HIBCH: variants seen among roughly 807,000 people sequenced by gnomAD.
HIBCH encodes 3-hydroxyisobutyryl-CoA hydrolase.
HIBCH carries 50 observed loss-of-function variants against 58.2 expected under a neutral mutation model. That is an observed-to-expected ratio of 0.86 (90% CI 0.68 to 1.09). The LOEUF is 1.09. HIBCH is among the 50% of genes least tolerant of loss of function. The pLI is 0.00. For missense variants in HIBCH, 450 were observed against 449.7 expected (o/e 1.00, Z -0.01); for synonymous variants, 151 against 146.9 (o/e 1.03, Z -0.20).
intron 11 of HIBCH, among the ~76,000 whole-genome samples, chr2:190,232,887 G>A (rs191465847): frequency 8.6e-4 from 131 of 152,224 alleles, no homozygotes; most frequent in Non-Finnish European, 1.6e-3. Flanking sequence ...GAACCCGGGA[G>A]GCGGAGCTTG....
At chr2:190,251,898 G>A (rs1686783310) in intron 8 of HIBCH, among the ~76,000 whole-genome samples, 1 of 151,468 alleles carries the variant, frequency 6.6e-6, no homozygotes, top group Admixed American at 6.6e-5. Context: ...TTTTTTAAGA[G>A]ACTCTAATTG....
intron 1 of HIBCH, among the ~76,000 whole-genome samples, chr2:190,319,514 G>C (rs1688792869): frequency 6.6e-6 from 1 of 151,922 alleles, no homozygotes; most frequent in African/African-American, 2.4e-5. Context: ...CCAGAGTGCT[G>C]CTGCAAAGAA....
intron 7 of HIBCH, chr2:190,260,492 G>A (rs1687059128): frequency 6.6e-6 from 1 of 152,092 alleles, no homozygotes; most frequent in South Asian, 2.1e-4. Flanking sequence ...AGGCTTTTTT[G>A]TTGAAATCGA....
At chr2:190,259,822 T>C (rs1322858651) in intron 7 of HIBCH, among the ~76,000 whole-genome samples, 2 of 152,212 alleles carry the variant, frequency 1.3e-5, no homozygotes, top group Non-Finnish European at 2.9e-5. Context: ...TTTTCCTGTT[T>C]GGATGCCTTT....
rs1686862249 is a variant in HIBCH at position 190,254,276 on chromosome 2, T to C, written c.518-1969A>G. On this transcript the variant is annotated intron_variant, in intron 7 of 13. Coordinates refer to ENST00000359678, the MANE Select transcript of HIBCH (RefSeq NM_014362.4). The surrounding 1 kb of genome is among the most constrained non-coding windows in gnomAD (Gnocchi z 5.0). Reference sequence around the variant, plus strand: ...TAATCCAACAGGACTGGTGTCCTTATAAGAGGAGGAAGAAACACAGGGATG... The same window carrying C: ...TAATCCAACAGGACTGGTGTCCTTACAAGAGGAGGAAGAAACACAGGGATG... Among the ~76,000 whole-genome samples the C allele has an allele frequency of 6.6e-6, 1 of 151,874 alleles. No individual in the cohort carries two copies. Among genetic ancestry groups the C allele is most frequent in the Non-Finnish European group, 1.5e-5 (1 of 67,994 alleles).
At chr2:190,276,324 G>A (rs1018777744) in intron 6 of HIBCH, among the ~76,000 whole-genome samples, 8 of 152,212 alleles carry the variant, frequency 5.3e-5, no homozygotes, top group Admixed American at 2.6e-4. Flanking sequence ...GCAATTTTGA[G>A]AGTTTCAATG....
intron 7 of HIBCH, among the ~76,000 whole-genome samples, chr2:190,258,449 G>A (rs957836137): frequency 6.6e-6 from 1 of 152,218 alleles, no homozygotes; most frequent in Non-Finnish European, 1.5e-5. Flanking sequence ...TTGGGAACTA[G>A]GCAACGAGCA....
In HIBCH at chr2:190,261,210, G is replaced by A; in HGVS notation, c.463C>T (p.Gln155Ter). 1 of 1,612,848 alleles carries A rather than the reference G, an allele frequency of 6.2e-7. No homozygotes were observed. Among genetic ancestry groups the A allele is most frequent in the South Asian group, 1.1e-5 (1 of 91,040 alleles). The stretch of plus-strand genomic sequence containing the variant: ...CACTTTTCTGTAGCCACTCGAAATT[G>A]CCCATGGACTGAGAGACCAACTCCC... ...GGGVGLSVHG[Q>*]FRVATEKCLF... Residue 155 changes from glutamine (Q) to a stop codon, truncating the protein, a stop_gained, in exon 7 of 14, where the codon CAA (glutamine) becomes TAA (stop). Transcript: ENST00000359678. LOFTEE classifies it high-confidence loss of function.
intron 13 of HIBCH, among the ~76,000 whole-genome samples, chr2:190,205,547 T>G (rs1290054044): frequency 6.6e-6 from 1 of 152,104 alleles, no homozygotes; most frequent in Non-Finnish European, 1.5e-5. Context: ...AAATTGCCAG[T>G]GAAACCTCCA....
At chr2:190,313,634 T>A (rs1217323388) in intron 1 of HIBCH, among the ~76,000 whole-genome samples, 2 of 107,992 alleles carry the variant, frequency 1.9e-5, no homozygotes, top group East Asian at 5.0e-4. Context: ...GACAAGAGAC[T>A]CTGTCTCACA....
intron 6 of HIBCH, among the ~76,000 whole-genome samples, chr2:190,283,063 T>C (rs1487460383): frequency 6.6e-6 from 1 of 152,178 alleles, no homozygotes; most frequent in Admixed American, 6.5e-5. Context: ...AATGAGCATT[T>C]CCTTTGAGTA....
At chr2:190,313,957 C>T in intron 1 of HIBCH, among the ~76,000 whole-genome samples, 1 of 152,010 alleles carries the variant, frequency 6.6e-6, no homozygotes, top group South Asian at 2.1e-4. Flanking sequence ...TTCAACTTGA[C>T]TCAATTTTAT....
At chr2:190,257,603 A>G (rs1686962237) in intron 7 of HIBCH, among the ~76,000 whole-genome samples, 1 of 152,182 alleles carries the variant, frequency 6.6e-6, no homozygotes, top group Non-Finnish European at 1.5e-5. Flanking sequence ...GGGGAATATT[A>G]TTGTCTTAGT....
rs756400405 is a variant in HIBCH at position 190,319,735 on chromosome 2, T to A, written c.16A>T (p.Met6Leu). The A allele has an allele frequency of 5.0e-6, 8 of 1,613,014 alleles. No individual in the cohort carries two copies. The East Asian group carries it at 6.7e-5, about 13-fold the overall frequency. The change falls in exon 1 of 14, where the codon ATG (methionine) becomes TTG (leucine). Residue 6 changes from methionine to leucine, a missense_variant. Coordinates refer to ENST00000359678, the MANE Select transcript of HIBCH (RefSeq NM_014362.4). MGQREMWRLMSRFNAF... is the reference protein window; with the variant it reads MGQRELWRLMSRFNAF... ...ACTCACCTCGACATGAGCCTCCACA[T>A]CTCGCGCTGCCCCATCGCCAAACAC...
intron 9 of HIBCH, among the ~76,000 whole-genome samples, chr2:190,248,878 C>A (rs866277800): frequency 6.7e-4 from 96 of 143,218 alleles, no homozygotes; most frequent in African/African-American, 1.6e-3. Flanking sequence ...AAAAAAAAAA[C>A]AAAAAAAAAA....
rs778908151 is a variant in HIBCH, at chr2:190,304,372, GAGGTAC to G, written c.78+6376_78+6381del. Among the ~76,000 whole-genome samples, 1 of 152,126 alleles carries G rather than the reference GAGGTAC, an allele frequency of 6.6e-6. No individual in the cohort carries two copies. The highest frequency in any genetic ancestry group is 1.5e-5 in the Non-Finnish European group (1 of 68,012). ...GGTGGGGACTCTGCAGAGACCCAAG[GAGGTAC>G]AGGGCATCATATGTCAAGGAAGCTA... On this transcript the variant is annotated intron_variant, in intron 2 of 13. Transcript: ENST00000359678. This position sits in a 1 kb window ranked among gnomAD's most constrained non-coding sequence, Gnocchi z 4.1.
chr2:190,295,621 G>C (rs1025528245), intron 3 of HIBCH, among the ~76,000 whole-genome samples: 1 of 152,202 alleles, frequency 6.6e-6, no homozygotes, highest in African/African-American at 2.4e-5. Context: ...TAGCTGGAAA[G>C]ACGTGATTGT....
In HIBCH at chr2:190,275,334, T is replaced by C. The variant is rs78287474; in HGVS notation, c.438+12252A>G. Among the ~76,000 whole-genome samples, 310 of 152,354 alleles carry C rather than the reference T, an allele frequency of 2.0e-3. 7 individuals are homozygous for C. In the East Asian group the frequency reaches 0.054, roughly 26 times the overall value. On this transcript the variant is annotated intron_variant, in intron 6 of 13. Coordinates refer to ENST00000359678, the MANE Select transcript of HIBCH (RefSeq NM_014362.4). ...GGATTGTCCTCTGTTCTATATCTAC[T>C]TAATTTTATATTTAAACAAATCTGT...
rs538472398 is a variant in HIBCH, at chr2:190,259,882, T to C, written c.517+1274A>G. On this transcript the variant is annotated intron_variant, in intron 7 of 13. Transcript: ENST00000359678. The stretch of plus-strand genomic sequence containing the variant: ...TCTGGCAAGGACTTTCAATACAGCA[T>C]TGAACAGAAATGATGAGAGCAGGCA... Among the ~76,000 whole-genome samples the C allele has an allele frequency of 8.5e-5, 13 of 152,332 alleles. No homozygotes were observed. In the Middle Eastern group the frequency reaches 0.02, roughly 239 times the overall value.
Sources: allele counts gnomAD v4.1 joint callset (sites outside exome capture counted in the v4.1 genomes callset), GRCh38; gene constraint gnomAD v4.1.1; non-coding constraint Gnocchi (gnomAD v3.1); transcripts MANE v1.5; gene names NCBI Gene and HGNC (gene_info 2026-07-23, HGNC 2026-07-21).